The following CAPN9 variants were observed in gnomAD, a reference collection of about 807,000 sequenced individuals.
CAPN9 encodes calpain-9.
CAPN9 carries 81 observed loss-of-function variants against 92.8 expected under a neutral mutation model. The ratio of observed to expected loss-of-function variants is 0.87; its 90% CI spans 0.73 to 1.05. CAPN9 has a LOEUF of 1.05. CAPN9 is among the 50% of genes least tolerant of loss of function. The pLI is 0.00. For missense variants in CAPN9, 848 were observed against 866.2 expected (o/e 0.98, Z 0.26); for synonymous variants, 304 against 328.0 (o/e 0.93, Z 0.79).
chr1:230,765,371 A>T (rs1665921421), intron 4 of CAPN9, among the ~76,000 whole-genome samples: 1 of 152,128 alleles, frequency 6.6e-6, no homozygotes, highest in Admixed American at 6.6e-5. Flanking sequence ...TATGAACCCA[A>T]GTAGAAGCTG....
chr1:230,787,527 A>G lies in CAPN9; in HGVS notation c.1524A>G (p.Pro508=). 6.2e-7 allele frequency: 1 copy of G among 1,613,932 alleles called. No homozygotes were observed. Among genetic ancestry groups the G allele is most frequent in the Non-Finnish European group, 8.5e-7 (1 of 1,179,882 alleles). Residue 508 remains proline, a synonymous_variant, in exon 13 of 20, where the codon CCA becomes CCG. Coordinates refer to ENST00000271971, the MANE Select transcript of CAPN9 (RefSeq NM_006615.3). Reference sequence around the variant, plus strand: ...TTTCTTTGGCTGTTTTTTAGCCTCCAAAGCCAACTCCACCTGACCAGGAGA... The same window carrying G: ...TTTCTTTGGCTGTTTTTTAGCCTCCGAAGCCAACTCCACCTGACCAGGAGA... The part of the protein sequence containing the change: ...GNVDIDLPEP[P]KPTPPDQETE...
intron 1 of CAPN9, among the ~76,000 whole-genome samples, chr1:230,751,651 GAAAGAAAGAAAGAAAGAAAGAA>G (rs766460634): frequency 0.12 from 11,705 of 100,416 alleles, 1,072 homozygotes; most frequent in African/African-American, 0.14. Context: ...AAGAAAGAAA[GAAAGAAAGAAAGAAAGAAAGAA>G]AGAAAGAAAG....
chr1:230,790,099 G>A, intron 13 of CAPN9, 33 bp from the exon 14 acceptor site: 1 of 1,555,454 alleles, frequency 6.4e-7, no homozygotes, highest in African/African-American at 1.4e-5. Flanking sequence ...AGGTGCCAAG[G>A]GCTATAACAA....
intron 1 of CAPN9, among the ~76,000 whole-genome samples, chr1:230,751,178 C>T (rs900268798): frequency 1.3e-5 from 2 of 152,206 alleles, no homozygotes; most frequent in African/African-American, 4.8e-5. Flanking sequence ...TGGCATGTGA[C>T]CACAGCCTCT....
At chr1:230,799,395 G>T (rs913477959) in intron 19 of CAPN9, among the ~76,000 whole-genome samples, 1 of 152,012 alleles carries the variant, frequency 6.6e-6, no homozygotes, top group Non-Finnish European at 1.5e-5. Context: ...ATATAATTTG[G>T]CAATTATGTT....
Position 230,759,689 on chromosome 1 carries a change from T to C in CAPN9, c.402+59T>C, listed in dbSNP as rs1572022226. 15 of 1,096,654 alleles carry C rather than the reference T, an allele frequency of 1.4e-5. No individual in the cohort carries two copies. In the East Asian group the frequency reaches 3.6e-4, roughly 27 times the overall value. The allele number at this position is 1,096,654 out of a possible 1,614,324, so 67.9% of individuals were successfully genotyped here. On this transcript the variant is annotated intron_variant, in intron 3 of 19. Coordinates refer to ENST00000271971, the MANE Select transcript of CAPN9 (RefSeq NM_006615.3). The stretch of plus-strand genomic sequence containing the variant: ...CTCTGGGGCCCGGCATGAGGGCAGG[T>C]GCATTTCCACACTGCCTGGTAACCC...
At chr1:230,751,586 AAAGAAAGAAAGAAAGAAAGAAAG>A (rs1368063895) in intron 1 of CAPN9, among the ~76,000 whole-genome samples, 4 of 22,316 alleles carry the variant, frequency 1.8e-4, no homozygotes, top group African/African-American at 9.2e-4. Flanking sequence ...AGAAAGAAAC[AAAGAAAGAAAGAAAGAAAGAAAG>A]AGAAAGAAAG....
At chr1:230,786,889 G>A (rs1043889196) in intron 12 of CAPN9, among the ~76,000 whole-genome samples, 2 of 152,250 alleles carry the variant, frequency 1.3e-5, no homozygotes, top group African/African-American at 2.4e-5. Context: ...GGTGACATGG[G>A]GGTGGCTTTA....
At chr1:230,792,171 G>A (rs1232814440) in intron 15 of CAPN9, among the ~76,000 whole-genome samples, 2 of 152,146 alleles carry the variant, frequency 1.3e-5, no homozygotes, top group Non-Finnish European at 2.9e-5. Context: ...GGGTCTTCTT[G>A]CCACTTTGGG....
rs546750653 is a variant in CAPN9, at chr1:230,795,282, A to G, written c.1987+3A>G. On this transcript the variant is annotated splice_donor_region_variant and intron_variant, in intron 18 of 19. Coordinates refer to ENST00000271971, the MANE Select transcript of CAPN9 (RefSeq NM_006615.3). ...GGTCCGGCTGGAGAATGCGAGCCGT[A>G]AGTGTCCAGCGAGGCTGAGGGTGCA... 4.4e-6 allele frequency: 7 copies of G among 1,597,090 alleles called. No homozygotes were observed. The African/African-American group carries it at 9.4e-5, about 21-fold the overall frequency.
chr1:230,780,103 TG>T, intron 9 of CAPN9, 75 bp from the exon 10 acceptor site: 1 of 926,940 alleles, frequency 1.1e-6, no homozygotes, highest in Non-Finnish European at 1.7e-6. Flanking sequence ...TGTGTGTGTG[TG>T]TGTGTGTGTG....
chr1:230,774,256 C>T (rs142279156), intron 7 of CAPN9, among the ~76,000 whole-genome samples: 7 of 152,244 alleles, frequency 4.6e-5, no homozygotes, highest in Non-Finnish European at 7.3e-5. Context: ...TGCTACCCCA[C>T]GGGCATGCAA....
At chr1:230,796,765 C>G (rs1668385887) in intron 18 of CAPN9, among the ~76,000 whole-genome samples, 2 of 152,164 alleles carry the variant, frequency 1.3e-5, no homozygotes, top group Admixed American at 1.3e-4. Flanking sequence ...TCTCTTCTCT[C>G]CATTGCTCTT....
At chr1:230,758,321 C>A (rs1665388832) in intron 2 of CAPN9, among the ~76,000 whole-genome samples, 1 of 152,176 alleles carries the variant, frequency 6.6e-6, no homozygotes, top group African/African-American at 2.4e-5. Flanking sequence ...ATCTTTGCAT[C>A]TTCTGCGTGG....
chr1:230,790,091 G>A (rs1253862388), intron 13 of CAPN9, 41 bp from the exon 14 acceptor site: 1 of 1,518,682 alleles, frequency 6.6e-7, no homozygotes, highest in Non-Finnish European at 9.1e-7. Flanking sequence ...ATAAAAGAAG[G>A]TGCCAAGGGC....
At chr1:230,795,807 G>A (rs1356263433) in intron 18 of CAPN9, among the ~76,000 whole-genome samples, 1 of 152,124 alleles carries the variant, frequency 6.6e-6, no homozygotes, top group Non-Finnish European at 1.5e-5. Context: ...CATGTCCAGG[G>A]CCTGTAACTC....
intron 18 of CAPN9, 66 bp from the exon 19 acceptor site, chr1:230,798,096 C>T: frequency 8.0e-7 from 1 of 1,247,380 alleles, no homozygotes; most frequent in Middle Eastern, 1.9e-4. Flanking sequence ...CCTTTGGTCG[C>T]TGGGAAACAA....
intron 8 of CAPN9, 135 bp from the exon 9 acceptor site, chr1:230,778,838 C>T: frequency 3.9e-6 from 3 of 762,218 alleles, no homozygotes; most frequent in Non-Finnish European, 6.1e-6. Flanking sequence ...TCTCCCCACA[C>T]TTTGCAGTCC....
At position 230,799,660 on chromosome 1, in the gene CAPN9, A is replaced by G. The variant is rs373903771; in HGVS notation, c.2046+1440A>G. ...TTGTCTTTCAACTTCAGCATGTAGGACACATGTAATAACTATACCTCCTTT... is the reference window on the plus strand; with the variant it reads ...TTGTCTTTCAACTTCAGCATGTAGGGCACATGTAATAACTATACCTCCTTT... On this transcript the variant is annotated intron_variant, in intron 19 of 19. Transcript: ENST00000271971. Among the ~76,000 whole-genome samples the G allele has an allele frequency of 5.3e-5, 8 of 152,348 alleles. No individual in the cohort carries two copies. The East Asian group carries it at 1.5e-3, about 29-fold the overall frequency.
Sources: allele counts gnomAD v4.1 joint callset (sites outside exome capture counted in the v4.1 genomes callset), GRCh38; gene constraint gnomAD v4.1.1; transcripts MANE v1.5; gene names NCBI Gene and HGNC (gene_info 2026-07-23, HGNC 2026-07-21).